Variants in HMGB1 observed in about 807,000 individuals in gnomAD.
HMGB1 encodes high mobility group protein B1.
For synonymous variants in HMGB1, 81 were observed against 84.0 expected, an observed-to-expected ratio of 0.96 and a Z score of 0.19; for missense variants, 79 against 253.5, an observed-to-expected ratio of 0.31 and a Z score of 4.67.
chr13:30,485,710 A>G (rs1887350703), intron 1 of HMGB1, among the ~76,000 whole-genome samples: 2 of 152,266 alleles, frequency 1.3e-5, no homozygotes, highest in Admixed American at 6.5e-5. Flanking sequence ...GGGTGAACCT[A>G]CAAGACTAGA....
chr13:30,521,866 C>G (rs1014614708), intron 1 of HMGB1, among the ~76,000 whole-genome samples: 3 of 152,226 alleles, frequency 2.0e-5, no homozygotes, highest in Non-Finnish European at 4.4e-5. Context: ...TCTCTACATA[C>G]TTGTCCAACA....
intron 1 of HMGB1, among the ~76,000 whole-genome samples, chr13:30,574,088 T>C (rs1870546241): frequency 6.6e-6 from 1 of 152,104 alleles, no homozygotes; most frequent in African/African-American, 2.4e-5. Flanking sequence ...TGAACACAAG[T>C]ATAGACCCAG....
At chr13:30,494,773 T>C (rs1279729685) in intron 1 of HMGB1, among the ~76,000 whole-genome samples, 1 of 152,154 alleles carries the variant, frequency 6.6e-6, no homozygotes, top group Non-Finnish European at 1.5e-5. Flanking sequence ...TAAAACTCTG[T>C]ATCCATTAAA....
At chr13:30,556,401 T>C (rs557831336) in intron 1 of HMGB1, among the ~76,000 whole-genome samples, 3 of 152,124 alleles carry the variant, frequency 2.0e-5, no homozygotes, top group Non-Finnish European at 4.4e-5. Context: ...AGAAACTCTG[T>C]TTCAAAAAAG....
intron 1 of HMGB1, among the ~76,000 whole-genome samples, chr13:30,545,738 C>G (rs1191026997): frequency 6.6e-6 from 1 of 152,104 alleles, no homozygotes; most frequent in Non-Finnish European, 1.5e-5. Context: ...CTCTGTATCC[C>G]AGGCTGGAGT....
At chr13:30,613,119 G>T (rs547084561) in intron 1 of HMGB1, among the ~76,000 whole-genome samples, 2 of 152,226 alleles carry the variant, frequency 1.3e-5, no homozygotes, top group Admixed American at 1.3e-4. Flanking sequence ...GGTCTCTGTG[G>T]TCCAGGCTGG....
At chr13:30,545,437 T>G (rs1001529062) in intron 1 of HMGB1, among the ~76,000 whole-genome samples, 1 of 151,470 alleles carries the variant, frequency 6.6e-6, no homozygotes, top group African/African-American at 2.4e-5. Flanking sequence ...AGCATAGTTT[T>G]GTCAGAAAGG....
intron 1 of HMGB1, chr13:30,464,276 G>A: frequency 1.0e-6 from 1 of 985,566 alleles, no homozygotes; most frequent in Non-Finnish European, 1.2e-6. Context: ...GCCACCGCGA[G>A]GCAGCCTCGT....
intron 1 of HMGB1, among the ~76,000 whole-genome samples, chr13:30,570,411 C>T (rs982570924): frequency 2.6e-5 from 4 of 152,334 alleles, no homozygotes; most frequent in Admixed American, 2.0e-4. Flanking sequence ...TAATGCATAA[C>T]GGGATTCTCA....
intron 1 of HMGB1, among the ~76,000 whole-genome samples, chr13:30,546,918 C>A (rs1869186644): frequency 6.6e-6 from 1 of 152,220 alleles, no homozygotes; most frequent in African/African-American, 2.4e-5. Context: ...ACAACACACA[C>A]ATTTGTAGGT....
chr13:30,562,266 C>T (rs1869991107), intron 1 of HMGB1, among the ~76,000 whole-genome samples: 1 of 149,306 alleles, frequency 6.7e-6, no homozygotes, highest in Non-Finnish European at 1.5e-5. Flanking sequence ...CACTGTACTC[C>T]AGCCTGGGCA....
chr13:30,571,225 A>C (rs976580874), intron 1 of HMGB1, among the ~76,000 whole-genome samples: 6 of 152,118 alleles, frequency 3.9e-5, no homozygotes, highest in Non-Finnish European at 5.9e-5. Flanking sequence ...ACAATGTAGA[A>C]AGTTTGACAA....
chr13:30,465,413 C>T (rs1290526924), intron 1 of HMGB1, among the ~76,000 whole-genome samples: 1 of 143,252 alleles, frequency 7.0e-6, no homozygotes, highest in Non-Finnish European at 1.5e-5. Context: ...CCGCGCCGGC[C>T]CCGCCGCCCC....
chr13:30,462,513 T>TAC, intron 4 of HMGB1, 25 bp downstream of exon 4: 1 of 1,593,732 alleles, frequency 6.3e-7, no homozygotes, highest in Non-Finnish European at 8.6e-7. Context: ...GTCATCATTT[T>TAC]ACCAAGCAAA....
chr13:30,586,726 C>T (rs1871171101), intron 1 of HMGB1, among the ~76,000 whole-genome samples: 1 of 152,002 alleles, frequency 6.6e-6, no homozygotes, highest in South Asian at 2.1e-4. Flanking sequence ...CTCAGGTGAT[C>T]TGCCCACCTT....
chr13:30,576,961 G>A (rs1870684216), intron 1 of HMGB1, among the ~76,000 whole-genome samples: 1 of 152,198 alleles, frequency 6.6e-6, no homozygotes, highest in East Asian at 1.9e-4. Context: ...TGATGTGACT[G>A]TATTTAGAGA....
At chr13:30,471,382 T>C (rs9508753) in intron 1 of HMGB1, among the ~76,000 whole-genome samples, 2,613 of 152,146 alleles carry the variant, frequency 0.017, 37 homozygotes, top group Middle Eastern at 0.051. Flanking sequence ...GGTTTCACTC[T>C]TGTTGCCTAT....
At chr13:30,615,659 A>AT (rs1197022367) in intron 1 of HMGB1, among the ~76,000 whole-genome samples, 2,258 of 149,208 alleles carry the variant, frequency 0.015, 47 homozygotes, top group African/African-American at 0.048. Context: ...TTCAACTCTC[A>AT]TTTTTTTTTT....
At chr13:30,585,147 C>T (rs1871087468) in intron 1 of HMGB1, among the ~76,000 whole-genome samples, 1 of 146,182 alleles carries the variant, frequency 6.8e-6, no homozygotes, top group Admixed American at 6.8e-5. Context: ...GATACCTCAT[C>T]TAAAAAAAAA....
Sources: allele counts gnomAD v4.1 joint callset (sites outside exome capture counted in the v4.1 genomes callset), GRCh38; gene constraint gnomAD v4.1.1; transcripts MANE v1.5; gene names NCBI Gene and HGNC (gene_info 2026-07-23, HGNC 2026-07-21).